CFTR: variants seen among roughly 807,000 people sequenced by gnomAD.
The protein encoded by CFTR is CF transmembrane conductance regulator, also known as cystic fibrosis transmembrane conductance regulator.
In CFTR, 181 loss-of-function variants were observed where a neutral mutation model predicts 171.6. The ratio of observed to expected loss-of-function variants is 1.05; its 90% confidence interval spans 0.93 to 1.19. The LOEUF is 1.19. Among genes scored for constraint, CFTR ranks in the 50% most tolerant of loss-of-function variants. The pLI, the probability that CFTR is intolerant of heterozygous loss-of-function variation, is 0.00. For missense variants in CFTR, 1,968 were observed against 1,734.7 expected, an observed-to-expected ratio of 1.13 and a Z score of -2.39; for synonymous variants, 583 against 608.0, an observed-to-expected ratio of 0.96 and a Z score of 0.60.
At chr7:117,481,135 A>T (rs1383815230) in intron 1 of CFTR, among the ~76,000 whole-genome samples, 3 of 152,170 alleles carry the variant, frequency 2.0e-5, no homozygotes, top group East Asian at 3.9e-4. Flanking sequence ...CATCTCTCTT[A>T]TGTTTAGTTC....
At chr7:117,535,132 C>A in intron 5 of CFTR, 116 bp from the exon 6 acceptor site, 1 of 1,079,802 alleles carries the variant, frequency 9.3e-7, no homozygotes, top group Non-Finnish European at 1.4e-6. Flanking sequence ...TGCTCAGAAC[C>A]ACGAAGTGTT....
rs949237425 is a variant in CFTR, at chr7:117,612,039, A to G, written c.3367+231A>G. Among the ~76,000 whole-genome samples, 562 of 73,632 alleles carry G rather than the reference A, an allele frequency of 7.6e-3. 12 individuals carry two copies. Among genetic ancestry groups the G allele is most frequent in the African/African-American group, 0.032 (541 of 16,872 alleles). 48.3% of individuals were successfully genotyped at this position (73,632 alleles called of 152,430 possible). Reference sequence around the variant, plus strand: ...TATATATATGTATATATATATATATATATATATATATATACATATATATAT... The same window carrying G: ...TATATATATGTATATATATATATATGTATATATATATATACATATATATAT... On this transcript the variant is annotated intron_variant, in intron 20 of 26. Transcript: ENST00000003084.
At chr7:117,588,458 A>G (rs1281347353) in intron 12 of CFTR, among the ~76,000 whole-genome samples, 1 of 152,114 alleles carries the variant, frequency 6.6e-6, no homozygotes, top group Non-Finnish European at 1.5e-5. Flanking sequence ...TGTAACTTTC[A>G]GTTTAAACAA....
chr7:117,610,232 G>T (rs1009400163), intron 18 of CFTR, among the ~76,000 whole-genome samples: 2 of 111,832 alleles, frequency 1.8e-5, no homozygotes, highest in Non-Finnish European at 3.4e-5. Context: ...TCTGGGGACT[G>T]TTGTGGGGTG....
intron 20 of CFTR, among the ~76,000 whole-genome samples, chr7:117,612,916 T>C (rs1792428878): frequency 6.6e-6 from 1 of 152,148 alleles, no homozygotes; most frequent in Admixed American, 6.6e-5. Flanking sequence ...TCTGGCCTCC[T>C]GAATTTACAG....
At chr7:117,566,766 A>G (rs1791608871) in intron 11 of CFTR, among the ~76,000 whole-genome samples, 1 of 152,216 alleles carries the variant, frequency 6.6e-6, no homozygotes, top group Non-Finnish European at 1.5e-5. Context: ...ACCTTTCATG[A>G]ACTGGTCATT....
intron 1 of CFTR, 48 bp from the exon 2 acceptor site, chr7:117,504,205 A>T (rs2116634979): frequency 1.8e-6 from 2 of 1,096,946 alleles, no homozygotes; most frequent in Non-Finnish European, 1.4e-6. Context: ...CCAAATCTGT[A>T]TGGAGACCAA....
chr7:117,632,220 C>A (rs1038678376), intron 22 of CFTR, among the ~76,000 whole-genome samples: 1 of 152,060 alleles, frequency 6.6e-6, no homozygotes, highest in East Asian at 1.9e-4. Flanking sequence ...CACAACTTCC[C>A]GACCATGCTG....
intron 24 of CFTR, among the ~76,000 whole-genome samples, chr7:117,656,857 C>T (rs1355787005): frequency 6.6e-6 from 1 of 152,132 alleles, no homozygotes; most frequent in Non-Finnish European, 1.5e-5. Flanking sequence ...CCCTTTTCTG[C>T]CTTCCTTCAC....
chr7:117,646,222 T>C (rs1013630645), intron 23 of CFTR, among the ~76,000 whole-genome samples: 3 of 152,210 alleles, frequency 2.0e-5, no homozygotes, highest in Admixed American at 2.0e-4. Flanking sequence ...ACATAGTAAG[T>C]ACAATATGCT....
At position 117,524,695 on chromosome 7, in the gene CFTR, A is replaced by G. The variant is rs534874917; in HGVS notation, c.274-6204A>G. 2.6e-5 allele frequency among the ~76,000 whole-genome samples: 4 copies of G among 152,320 alleles called. No individual in the cohort carries two copies. In the South Asian group the frequency reaches 8.3e-4, roughly 32 times the overall value. ...ATATGGAACTTTGTAAAAAACATCCAGGGCAGCACTTTCACTGATTGCAGT... is the reference window on the plus strand; with the variant it reads ...ATATGGAACTTTGTAAAAAACATCCGGGGCAGCACTTTCACTGATTGCAGT... On this transcript the variant is annotated intron_variant, in intron 3 of 26. Coordinates refer to ENST00000003084, the MANE Select transcript of CFTR (RefSeq NM_000492.4).
At chr7:117,564,523 T>G (rs182813527) in intron 11 of CFTR, 1 of 160,778 alleles carries the variant, frequency 6.2e-6, no homozygotes, top group East Asian at 1.9e-4. Flanking sequence ...TACAGAATCC[T>G]TGATGGTTAA....
chr7:117,480,830 G>A (rs1489875588), intron 1 of CFTR, among the ~76,000 whole-genome samples: 3 of 152,186 alleles, frequency 2.0e-5, no homozygotes, highest in African/African-American at 7.2e-5. Context: ...CTAATGTGAT[G>A]AGCCACAGAA....
intron 21 of CFTR, among the ~76,000 whole-genome samples, chr7:117,623,345 G>C (rs1464681056): frequency 6.6e-6 from 1 of 152,198 alleles, no homozygotes; most frequent in South Asian, 2.1e-4. Context: ...GATATCCCTC[G>C]ATCCTCCTTG....
chr7:117,505,269 A>G (rs1441343683), intron 2 of CFTR, among the ~76,000 whole-genome samples: 1 of 152,080 alleles, frequency 6.6e-6, no homozygotes, highest in Non-Finnish European at 1.5e-5. Context: ...AGTCCCCCCC[A>G]TAAAGAATCT....
At chr7:117,525,232 A>G (rs1798755605) in intron 3 of CFTR, among the ~76,000 whole-genome samples, 1 of 152,178 alleles carries the variant, frequency 6.6e-6, no homozygotes, top group South Asian at 2.1e-4. Flanking sequence ...AAAAGTTTGA[A>G]TGTGGTCTGA....
At chr7:117,653,707 A>C (rs1793121214) in intron 24 of CFTR, among the ~76,000 whole-genome samples, 1 of 152,186 alleles carries the variant, frequency 6.6e-6, no homozygotes, top group Non-Finnish European at 1.5e-5. Flanking sequence ...AAATACATTC[A>C]TTCCATCCCA....
intron 21 of CFTR, among the ~76,000 whole-genome samples, chr7:117,626,372 A>AT (rs1792649802): frequency 6.6e-6 from 1 of 152,180 alleles, no homozygotes; most frequent in East Asian, 1.9e-4. Context: ...TTTTGCCCAC[A>AT]TTTTTTTCCA....
intron 9 of CFTR, among the ~76,000 whole-genome samples, chr7:117,548,333 G>GGTGTGTGT (rs3034794): frequency 2.3e-3 from 329 of 144,162 alleles, no homozygotes; most frequent in African/African-American, 5.9e-3. Flanking sequence ...AGGAGAAGAG[G>GGTGTGTGT]GTGTGTGTGT....
Sources: gnomAD v4.1 joint callset for allele counts (sites outside exome capture counted in the v4.1 genomes callset) on GRCh38, gnomAD v4.1.1 for gene constraint, MANE v1.5 for transcripts, NCBI Gene and HGNC (gene_info 2026-07-23, HGNC 2026-07-21) for gene names.